Variants in ARL13A observed in about 807,000 individuals in gnomAD.
ARL13A encodes ADP-ribosylation factor-like protein 13A.
Under a neutral mutation model 19.1 loss-of-function variants are expected in ARL13A, and 16 were observed. The ratio of observed to expected loss-of-function variants is 0.84; its 90% CI spans 0.57 to 1.27. The LOEUF is 1.27. ARL13A is among the 50% of genes most tolerant of loss of function. The probability of loss-of-function intolerance (pLI) is 0.00; values close to 1 mark genes in which losing one functional copy is unlikely to be tolerated. For missense variants in ARL13A, 153 were observed against 186.4 expected, an observed-to-expected ratio of 0.82 and a Z score of 1.04; for synonymous variants, 69 against 71.3, an observed-to-expected ratio of 0.97 and a Z score of 0.17.
chrX:100,983,435 C>T (rs1602460096), intron 3 of ARL13A, among the ~76,000 whole-genome samples: 1 of 110,643 alleles, frequency 9.0e-6, no homozygotes, highest in South Asian at 3.9e-4. Flanking sequence ...CAGCTCACTG[C>T]AACCTCTGCC....
intron 7 of ARL13A, chrX:100,990,265 G>C: frequency 1.3e-6 from 1 of 752,868 alleles, no homozygotes. Context: ...AAATGGTCTG[G>C]GAAGGACAGG....
At chrX:100,981,510 T>C (rs1034605447) in intron 3 of ARL13A, among the ~76,000 whole-genome samples, 1 of 109,676 alleles carries the variant, frequency 9.1e-6, no homozygotes, top group Non-Finnish European at 1.9e-5. Context: ...CTTGACATGA[T>C]GTTATAACCA....
rs191553744 is a variant in ARL13A at position 100,986,996 on chromosome X, G to A, written c.486+95G>A. ...GTCAGTCCCATATGTTGGGTTTGGG[G>A]CAAAGTCTCTCCCTGTCAGGCAACA... On this transcript the variant is annotated intron_variant, in intron 5 of 7. Transcript: ENST00000450049. 8 of 527,381 alleles carry A rather than the reference G, an allele frequency of 1.5e-5. No homozygotes were observed. In the East Asian group the frequency reaches 2.7e-4, roughly 18 times the overall value. 43.5% of individuals were successfully genotyped at this position (527,381 alleles called of 1,213,427 possible).
chrX:100,973,641 T>C, intron 1 of ARL13A, 35 bp from the exon 2 acceptor site: 1 of 1,170,812 alleles, frequency 8.5e-7, no homozygotes. Flanking sequence ...TAACAGGACT[T>C]ACTTCTTATT....
chrX:100,975,723 C>T (rs766758481), intron 3 of ARL13A, among the ~76,000 whole-genome samples: 1 of 108,942 alleles, frequency 9.2e-6, no homozygotes, highest in East Asian at 2.9e-4. Context: ...ACCTCCACCT[C>T]CCAGGTTCAA....
At chrX:100,978,054 C>G (rs1275055612) in intron 3 of ARL13A, among the ~76,000 whole-genome samples, 1 of 111,940 alleles carries the variant, frequency 8.9e-6, no homozygotes, top group Admixed American at 9.4e-5. Context: ...CATGGTAGTT[C>G]TATGTTTAGT....
At position 100,986,896 on chromosome X, in the gene ARL13A, C is replaced by T; in HGVS notation, c.481C>T (p.Arg161Ter). 9 of 1,171,942 alleles carry T rather than the reference C, an allele frequency of 7.7e-6. No individual in the cohort carries two copies. Among genetic ancestry groups the T allele is most frequent in the Non-Finnish European group, 8.1e-6 (7 of 865,259 alleles). Residue 161 changes from arginine to a stop codon, truncating the protein, a stop_gained, in exon 5 of 8, where the codon CGA (arginine) becomes TGA (stop). Transcript: ENST00000450049. LOFTEE classifies it high-confidence loss of function. ...KLVKENKCPC[R>*]VEPCSAIRNL... is the part of the protein sequence containing the mutation. ...AGTGAAAGAGAATAAGTGCCCATGC[C>T]GAGTAGTAAGTGTCAACCTCTTCCT...
chrX:100,986,967 T>G (rs1403751754), intron 5 of ARL13A, 66 bp downstream of exon 5: 1 of 757,757 alleles, frequency 1.3e-6, no homozygotes, highest in Non-Finnish European at 1.9e-6. Flanking sequence ...TGGCCCATTC[T>G]ATAGTCAGTC....
chrX:100,988,584 AG>A (rs1943142748), intron 7 of ARL13A: 13 of 962,921 alleles, frequency 1.4e-5, no homozygotes, highest in Admixed American at 4.5e-5. Context: ...TGGTTAGAGA[AG>A]AAAATTTACA....
rs1389293843 is a variant in ARL13A at position 100,986,797 on chromosome X, T to G, written c.382T>G (p.Leu128Val). The G allele has an allele frequency of 8.4e-7, 1 of 1,186,875 alleles. No individual in the cohort carries two copies. Among genetic ancestry groups the G allele is most frequent in the African/African-American group, 1.8e-5 (1 of 56,542 alleles). The change falls in exon 5 of 8, where the codon TTA (leucine) becomes GTA (valine). Residue 128 changes from leucine to valine, a missense_variant and splice_region_variant. Physicochemically the swap from Leu to Val is conservative, Grantham distance 32. Transcript: ENST00000450049. ...TCCCTCTCTCATATGCTGTTTTAGT[T>G]TAGCAAACAAACAAGACAAGAAGAA... The part of the protein sequence containing the change: ...KRVAGKPILI[L>V]ANKQDKKKAL...
intron 3 of ARL13A, among the ~76,000 whole-genome samples, chrX:100,977,832 G>A (rs1211704360): frequency 8.9e-6 from 1 of 112,333 alleles, no homozygotes; most frequent in Non-Finnish European, 1.9e-5. Context: ...CAAATGACAA[G>A]ATCTTATTCT....
intron 2 of ARL13A, 38 bp downstream of exon 2, chrX:100,973,786 T>G: frequency 8.6e-7 from 1 of 1,160,796 alleles, no homozygotes; most frequent in South Asian, 1.8e-5. Context: ...TATTCCACTA[T>G]TTCCTCCCAC....
intron 3 of ARL13A, among the ~76,000 whole-genome samples, chrX:100,981,505 CATG>C (rs1178793059): frequency 9.1e-6 from 1 of 109,947 alleles, no homozygotes; most frequent in East Asian, 2.9e-4. Context: ...CTTTCCTTGA[CATG>C]ATGTTATAAC....
rs761544343 is a variant in ARL13A, at chrX:100,985,882, TC to T, written c.348del (p.Asp117IlefsTer10). On this transcript the variant is annotated frameshift_variant, in exon 4 of 8. Coordinates refer to ENST00000450049, the MANE Select transcript of ARL13A (RefSeq NM_001162491.2). LOFTEE classifies it high-confidence loss of function. ...GAAGATCATCTTAACACATCTGCTGTCCGATAAAAGAGTGGCAGGGAAACCC... is the reference window on the plus strand; with the variant it reads ...GAAGATCATCTTAACACATCTGCTGTCGATAAAAGAGTGGCAGGGAAACCC... ...EVKIILTHLL[S>X]DKRVAGKPIL... is the part of the protein sequence containing the mutation. The T allele has an allele frequency of 2.5e-6, 3 of 1,209,105 alleles. No individual in the cohort carries two copies. Among genetic ancestry groups the T allele is most frequent in the Non-Finnish European group, 3.4e-6 (3 of 894,366 alleles).
intron 3 of ARL13A, among the ~76,000 whole-genome samples, chrX:100,981,454 T>C (rs2085853257): frequency 9.1e-6 from 1 of 109,789 alleles, no homozygotes; most frequent in Non-Finnish European, 1.9e-5. Context: ...GAAAGGGTGG[T>C]GCTGGTGATT....
chrX:100,987,286 A>T, intron 5 of ARL13A, 104 bp from the exon 6 acceptor site: 1 of 830,363 alleles, frequency 1.2e-6, no homozygotes, highest in Non-Finnish European at 1.7e-6. Context: ...TAGGCATAGC[A>T]GAGTTTATGT....
rs1227135130 is a variant in ARL13A, at chrX:100,984,291, G to GT, written c.131-1365dup. ...ACCGCACCCGGCTAAGTTGTTTTTT[G>GT]TTTTTTTTTTTCTTTTTTTGTATTT... On this transcript the variant is annotated intron_variant, in intron 3 of 7. Coordinates refer to ENST00000450049, the MANE Select transcript of ARL13A (RefSeq NM_001162491.2). Among the ~76,000 whole-genome samples, 371 of 100,869 alleles carry GT rather than the reference G, an allele frequency of 3.7e-3. 1 individual carries two copies. The highest frequency in any genetic ancestry group is 4.9e-3 in the Middle Eastern group (1 of 203). The allele number at this position is 100,869 out of a possible 115,157, so 87.6% of individuals were successfully genotyped here.
At chrX:100,975,578 T>C (rs2085747990) in intron 3 of ARL13A, among the ~76,000 whole-genome samples, 1 of 110,771 alleles carries the variant, frequency 9.0e-6, no homozygotes, top group African/African-American at 3.3e-5. Flanking sequence ...ATGGAATGGA[T>C]GTTCTCCCCC....
In ARL13A at chrX:100,977,369, C is replaced by CTTTTTT. The variant is rs59915769; in HGVS notation, c.130+3196_130+3201dup. On this transcript the variant is annotated intron_variant, in intron 3 of 7. Coordinates refer to ENST00000450049, the MANE Select transcript of ARL13A (RefSeq NM_001162491.2). ...GTAGTAATTATCCTTCTACTCTCTT[C>CTTTTTT]TTTTTTTTTTTTTTTTTTTTTTTTT... is the stretch of plus-strand genomic sequence containing the variant. Among the ~76,000 whole-genome samples the CTTTTTT allele has an allele frequency of 2.1e-4, 12 of 56,468 alleles. 1 individual carries two copies. The highest frequency in any genetic ancestry group is 7.9e-4 in the African/African-American group (11 of 13,944). The allele number at this position is 56,468 out of a possible 115,157, so 49.0% of individuals were successfully genotyped here.
Sources: allele counts gnomAD v4.1 joint callset (sites outside exome capture counted in the v4.1 genomes callset), GRCh38; gene constraint gnomAD v4.1.1; transcripts MANE v1.5; gene names NCBI Gene and HGNC (gene_info 2026-07-23, HGNC 2026-07-21).